The following IQSEC1 variants were observed in gnomAD, a reference collection of about 807,000 sequenced individuals.
The protein encoded by IQSEC1 is IQ motif and SEC7 domain-containing protein 1.
In IQSEC1, 31 loss-of-function variants were observed where a neutral mutation model predicts 91.0. The ratio of observed to expected loss-of-function variants is 0.34; its 90% CI spans 0.26 to 0.46. IQSEC1 has a LOEUF of 0.46. IQSEC1 is among the 20% of genes least tolerant of loss of function. The pLI is 1.00. For synonymous variants in IQSEC1, 699 were observed against 662.6 expected (o/e 1.05, Z -0.84); for missense variants, 1,388 against 1,575.6 (o/e 0.88, Z 2.02).
At chr3:12,939,105 GCTT>G (rs1379544756) in intron 2 of IQSEC1, among the ~76,000 whole-genome samples, 1 of 152,184 alleles carries the variant, frequency 6.6e-6, no homozygotes, top group African/African-American at 2.4e-5. Context: ...CCTCACAGCA[GCTT>G]CTGCTCTCCC....
At chr3:13,255,173 G>A (rs562654199) in intron 1 of IQSEC1, among the ~76,000 whole-genome samples, 40 of 152,330 alleles carry the variant, frequency 2.6e-4, no homozygotes, top group African/African-American at 8.7e-4. Context: ...CAGAGAACAC[G>A]CATGGCTGAC....
At chr3:13,005,975 A>G (rs899584184) in intron 1 of IQSEC1, among the ~76,000 whole-genome samples, 3 of 152,212 alleles carry the variant, frequency 2.0e-5, no homozygotes, top group Non-Finnish European at 2.9e-5. Flanking sequence ...TGATATGAGC[A>G]ACTTAAGGGC....
intron 1 of IQSEC1, among the ~76,000 whole-genome samples, chr3:13,221,051 G>C (rs999671488): frequency 2.0e-5 from 3 of 152,188 alleles, no homozygotes; most frequent in Non-Finnish European, 4.4e-5. Flanking sequence ...AGGCAGGGAG[G>C]CCAGTGAGCA....
chr3:13,088,317 G>A (rs867784876), intron 2 of IQSEC1, among the ~76,000 whole-genome samples: 3 of 152,176 alleles, frequency 2.0e-5, no homozygotes, highest in Non-Finnish European at 2.9e-5. Context: ...GCATGCTGAC[G>A]ACGCCCTCGC....
At chr3:13,249,271 T>C (rs1395671724) in intron 1 of IQSEC1, among the ~76,000 whole-genome samples, 3 of 150,924 alleles carry the variant, frequency 2.0e-5, no homozygotes, top group African/African-American at 7.3e-5. Context: ...TCCTAGGTTC[T>C]TGCCATTCTC....
In IQSEC1 at chr3:13,193,061, C is replaced by G. The variant is rs1694064017; in HGVS notation, c.273-28928G>C. 2.0e-5 allele frequency among the ~76,000 whole-genome samples: 3 copies of G among 152,250 alleles called. No individual in the cohort carries two copies. Among genetic ancestry groups the G allele is most frequent in the Admixed American group, 2.0e-4 (3 of 15,290 alleles). On this transcript the variant is annotated intron_variant, in intron 1 of 15. Transcript: ENST00000648114. The surrounding 1 kb of genome is among the most constrained non-coding windows in gnomAD (Gnocchi z 4.2). Reference sequence around the variant, plus strand: ...CATGTAGCTGCATGCAGTGCATCCTCCAGCCCCTAGTGGCCAGACAGGAAC... The same window carrying G: ...CATGTAGCTGCATGCAGTGCATCCTGCAGCCCCTAGTGGCCAGACAGGAAC...
intron 1 of IQSEC1, among the ~76,000 whole-genome samples, chr3:13,279,510 G>A (rs56283805): frequency 0.16 from 24,998 of 152,192 alleles, 2,806 homozygotes; most frequent in East Asian, 0.39. Flanking sequence ...GTACACTTCC[G>A]GCACGCAAAG....
At position 13,201,934 on chromosome 3, in the gene IQSEC1, T is replaced by C. The variant is rs112919073; in HGVS notation, c.273-37801A>G. ...TCAAAATCCTGCTAGTTAGGACAAATGGGAAAATAATGTGGGGAAAATTAT... is the reference window on the plus strand; with the variant it reads ...TCAAAATCCTGCTAGTTAGGACAAACGGGAAAATAATGTGGGGAAAATTAT... On this transcript the variant is annotated intron_variant, in intron 1 of 15. Coordinates refer to the IQSEC1 transcript ENST00000648114. 3.5e-3 allele frequency among the ~76,000 whole-genome samples: 535 copies of C among 152,350 alleles called. 3 individuals are homozygous for C. The highest frequency in any genetic ancestry group is 0.011 in the African/African-American group (473 of 41,576).
intron 1 of IQSEC1, among the ~76,000 whole-genome samples, chr3:12,971,362 C>T (rs1328469565): frequency 6.6e-6 from 1 of 152,094 alleles, no homozygotes; most frequent in Admixed American, 6.5e-5. Context: ...AATCCTACAG[C>T]GCCGCCTGCC....
intron 1 of IQSEC1, among the ~76,000 whole-genome samples, chr3:13,062,954 T>C (rs943164128): frequency 2.6e-5 from 4 of 152,228 alleles, no homozygotes; most frequent in Non-Finnish European, 5.9e-5. Context: ...TGACAGGACC[T>C]TCATCCTTCG....
At chr3:13,190,204 C>T (rs1006708960) in intron 1 of IQSEC1, among the ~76,000 whole-genome samples, 1 of 152,180 alleles carries the variant, frequency 6.6e-6, no homozygotes, top group Non-Finnish European at 1.5e-5. Context: ...AGGAAGGAAC[C>T]CCAAGGCACT....
At chr3:13,022,119 G>T in intron 1 of IQSEC1, 2 of 1,231,846 alleles carry the variant, frequency 1.6e-6, no homozygotes, top group Non-Finnish European at 2.0e-6. Flanking sequence ...CGGTGGAGGA[G>T]CGAGTGGCCA....
intron 1 of IQSEC1, among the ~76,000 whole-genome samples, chr3:13,183,153 G>A (rs1693873869): frequency 6.6e-6 from 1 of 151,672 alleles, no homozygotes; most frequent in East Asian, 1.9e-4. Context: ...GACAGAGCAA[G>A]ACTCTGTCCC....
chr3:13,172,284 CA>C (rs1160136004), intron 1 of IQSEC1, among the ~76,000 whole-genome samples: 4 of 152,166 alleles, frequency 2.6e-5, no homozygotes, highest in East Asian at 1.9e-4. Flanking sequence ...GAACCATGGC[CA>C]GGGGTGTGGG....
chr3:12,995,504 C>T (rs1398846352), intron 1 of IQSEC1, among the ~76,000 whole-genome samples: 2 of 152,222 alleles, frequency 1.3e-5, no homozygotes, highest in Non-Finnish European at 2.9e-5. Flanking sequence ...ATTTTACAGA[C>T]AAGGACACCG....
intron 1 of IQSEC1, among the ~76,000 whole-genome samples, chr3:13,052,434 A>G (rs951479150): frequency 2.6e-5 from 4 of 152,040 alleles, no homozygotes; most frequent in African/African-American, 9.7e-5. Flanking sequence ...AGTGTATTTA[A>G]CCATTCATCC....
Position 12,983,847 on chromosome 3 carries a change from GT to G in IQSEC1, c.24-41983del, listed in dbSNP as rs1165532812. 5.9e-5 allele frequency among the ~76,000 whole-genome samples: 9 copies of G among 152,132 alleles called. No individual in the cohort carries two copies. The highest frequency in any genetic ancestry group is 1.2e-4 in the Non-Finnish European group (8 of 68,034). ...ACAACTAGCTGCTGGATAAATATTT[GT>G]GGATGAAATGAATATGCCCAGCTCA... is the stretch of plus-strand genomic sequence containing the variant. On this transcript the variant is annotated intron_variant, in intron 1 of 13. Coordinates refer to ENST00000613206, the MANE Select transcript of IQSEC1 (RefSeq NM_001134382.3). The surrounding 1 kb of genome is among the most constrained non-coding windows in gnomAD (Gnocchi z 4.3).
chr3:13,080,047 T>G (rs1389681124), intron 2 of IQSEC1, among the ~76,000 whole-genome samples: 1 of 152,200 alleles, frequency 6.6e-6, no homozygotes, highest in African/African-American at 2.4e-5. Context: ...TGGAACAACA[T>G]GTGCAGAGGC....
At chr3:12,973,355 A>G (rs1275841113) in intron 1 of IQSEC1, among the ~76,000 whole-genome samples, 1 of 152,130 alleles carries the variant, frequency 6.6e-6, no homozygotes, top group East Asian at 1.9e-4. Context: ...TCTCTTATTC[A>G]ACCTTCAAAG....
Sources: allele counts gnomAD v4.1 joint callset (sites outside exome capture counted in the v4.1 genomes callset), GRCh38; gene constraint gnomAD v4.1.1; non-coding constraint Gnocchi (gnomAD v3.1); transcripts MANE v1.5; gene names NCBI Gene and HGNC (gene_info 2026-07-23, HGNC 2026-07-21).